The following ESRRG variants were observed in gnomAD, a reference collection of about 807,000 sequenced individuals.
ESRRG encodes estrogen related receptor gamma.
Under a neutral mutation model 44.0 loss-of-function variants are expected in ESRRG, and 13 were observed. The ratio of observed to expected loss-of-function variants is 0.30; its 90% CI spans 0.19 to 0.47. ESRRG has a LOEUF of 0.47. Among genes scored for constraint, ESRRG ranks in the 20% least tolerant of loss-of-function variants. The pLI, the probability that ESRRG is intolerant of heterozygous loss-of-function variation, is 1.00. For synonymous variants in ESRRG, 215 were observed against 214.6 expected (o/e 1.00, Z -0.02); for missense variants, 395 against 580.6 (o/e 0.68, Z 3.29).
intron 2 of ESRRG, among the ~76,000 whole-genome samples, chr1:216,775,224 C>A (rs1223760178): frequency 1.3e-5 from 2 of 152,068 alleles, no homozygotes; most frequent in Non-Finnish European, 2.9e-5. Context: ...TGTTGTTCAT[C>A]TATTTATTGT....
chr1:216,588,270 A>G (rs1421416916), intron 3 of ESRRG, among the ~76,000 whole-genome samples: 1 of 152,182 alleles, frequency 6.6e-6, no homozygotes, highest in African/African-American at 2.4e-5. Context: ...CTTACAAATT[A>G]TATTGCTATT....
At chr1:216,816,491 A>G (rs956820375) in intron 2 of ESRRG, among the ~76,000 whole-genome samples, 4 of 152,220 alleles carry the variant, frequency 2.6e-5, no homozygotes, top group Non-Finnish European at 4.4e-5. Flanking sequence ...TACTAACATA[A>G]TGCCTTTTGT....
intron 1 of ESRRG, among the ~76,000 whole-genome samples, chr1:216,688,404 C>T (rs866121048): frequency 2.0e-5 from 3 of 152,126 alleles, no homozygotes; most frequent in Non-Finnish European, 4.4e-5. Flanking sequence ...CTTTAATTTC[C>T]ACAGCACCAT....
chr1:216,625,183 C>A (rs550005060), intron 3 of ESRRG, among the ~76,000 whole-genome samples: 11 of 152,098 alleles, frequency 7.2e-5, no homozygotes, highest in Admixed American at 7.2e-4. Context: ...ACTATTTCTA[C>A]AGGATTAGTA....
At chr1:216,596,246 A>G (rs1462128726) in intron 3 of ESRRG, among the ~76,000 whole-genome samples, 1 of 152,152 alleles carries the variant, frequency 6.6e-6, no homozygotes, top group Non-Finnish European at 1.5e-5. Flanking sequence ...AGAGCTTTTC[A>G]TCTTCAGGGC....
At chr1:216,917,555 C>T (rs2061348742) in intron 2 of ESRRG, among the ~76,000 whole-genome samples, 1 of 152,162 alleles carries the variant, frequency 6.6e-6, no homozygotes, top group South Asian at 2.1e-4. Context: ...TAAGTGGTCT[C>T]TTTCATATAT....
At chr1:216,508,824 G>A (rs2041929913) in intron 6 of ESRRG, among the ~76,000 whole-genome samples, 1 of 152,122 alleles carries the variant, frequency 6.6e-6, no homozygotes, top group Admixed American at 6.5e-5. Flanking sequence ...AAACACTATG[G>A]TGAGTCTCTA....
chr1:216,822,871 C>A (rs1254739373), intron 2 of ESRRG, among the ~76,000 whole-genome samples: 2 of 152,204 alleles, frequency 1.3e-5, no homozygotes, highest in Non-Finnish European at 2.9e-5. Context: ...AGATGCTTAT[C>A]TTCATTTAGA....
intron 1 of ESRRG, among the ~76,000 whole-genome samples, chr1:216,693,397 G>C (rs1410503249): frequency 6.6e-6 from 1 of 152,136 alleles, no homozygotes; most frequent in Non-Finnish European, 1.5e-5. Context: ...CTCCCAAAGT[G>C]CAAGGATTAG....
chr1:217,100,464 C>T (rs2092493756), intron 1 of ESRRG, among the ~76,000 whole-genome samples: 1 of 152,170 alleles, frequency 6.6e-6, no homozygotes, highest in African/African-American at 2.4e-5. Flanking sequence ...TCTTCACAAA[C>T]TGTGGGTTAG....
intron 2 of ESRRG, among the ~76,000 whole-genome samples, chr1:216,880,891 T>C (rs2096435852): frequency 6.6e-6 from 1 of 152,164 alleles, no homozygotes; most frequent in Non-Finnish European, 1.5e-5. Context: ...TGACCCACTA[T>C]TACTGAAAAC....
At chr1:217,020,480 G>T (rs2080115646) in intron 1 of ESRRG, among the ~76,000 whole-genome samples, 1 of 152,120 alleles carries the variant, frequency 6.6e-6, no homozygotes, top group Non-Finnish European at 1.5e-5. Context: ...GGGAAATACT[G>T]CCTTCCTCTC....
In ESRRG at chr1:216,650,608, A is replaced by G. The variant is rs147093140; in HGVS notation, c.589+365T>C. 6.4e-3 allele frequency among the ~76,000 whole-genome samples: 975 copies of G among 152,300 alleles called. 3 individuals carry two copies. The highest frequency in any genetic ancestry group is 0.011 in the Non-Finnish European group (734 of 68,008). On this transcript the variant is annotated intron_variant, in intron 3 of 6. Transcript: ENST00000408911. ...TGCTTTAAACCCAAGATTAATTAAA[A>G]AAAAAAAATCTCTCTGCAAACCTAG...
chr1:217,108,853 G>T (rs2092629633), intron 1 of ESRRG, among the ~76,000 whole-genome samples: 1 of 152,128 alleles, frequency 6.6e-6, no homozygotes, highest in Admixed American at 6.5e-5. Flanking sequence ...TTTCTTTACA[G>T]CAATGCAAGA....
intron 2 of ESRRG, among the ~76,000 whole-genome samples, chr1:216,836,969 A>G (rs1252529850): frequency 6.6e-6 from 1 of 152,134 alleles, no homozygotes; most frequent in Admixed American, 6.5e-5. Context: ...AGACACACAC[A>G]CTCAGAGCAG....
At chr1:217,137,613 A>G (rs1326581552) in intron 1 of ESRRG, 2 of 152,328 alleles carry the variant, frequency 1.3e-5, no homozygotes, top group Non-Finnish European at 2.9e-5. Context: ...GGTTGGAAGC[A>G]GTACAGACGT....
chr1:216,644,651 G>A (rs747880180), intron 3 of ESRRG, among the ~76,000 whole-genome samples: 20 of 151,720 alleles, frequency 1.3e-4, no homozygotes, highest in Non-Finnish European at 2.5e-4. Flanking sequence ...TGCCCAGGCT[G>A]GTCTCAAACT....
intron 1 of ESRRG, among the ~76,000 whole-genome samples, chr1:217,099,363 C>A (rs566749495): frequency 7.3e-6 from 1 of 137,910 alleles, no homozygotes; most frequent in African/African-American, 2.5e-5. Flanking sequence ...AACAATTAGA[C>A]CTGTGAGCAG....
intron 3 of ESRRG, among the ~76,000 whole-genome samples, chr1:216,599,856 C>T (rs112031249): frequency 0.015 from 2,349 of 151,816 alleles, 67 homozygotes; most frequent in African/African-American, 0.055. Flanking sequence ...GAAAAAGGTA[C>T]CCTATGCATT....
Sources: allele counts gnomAD v4.1 joint callset (sites outside exome capture counted in the v4.1 genomes callset), GRCh38; gene constraint gnomAD v4.1.1; transcripts MANE v1.5; gene names NCBI Gene and HGNC (gene_info 2026-07-23, HGNC 2026-07-21).